PGM5: variants seen among roughly 807,000 people sequenced by gnomAD.
The protein encoded by PGM5 is phosphoglucomutase-like protein 5.
PGM5 carries 23 observed loss-of-function variants against 59.2 expected under a neutral mutation model. The observed-to-expected ratio is 0.39, with a 90% CI of 0.28 to 0.55. PGM5 has a LOEUF of 0.55. Ranked by LOEUF, PGM5 falls within the 20% of genes least tolerant of loss-of-function variation. The pLI, the probability that PGM5 is intolerant of heterozygous loss-of-function variation, is 0.66. For missense variants in PGM5, 574 were observed against 748.3 expected (o/e 0.77, Z 2.72); for synonymous variants, 214 against 286.0 (o/e 0.75, Z 2.54).
At chr9:68,431,590 G>T (rs1177220695) in intron 6 of PGM5, among the ~76,000 whole-genome samples, 1 of 152,092 alleles carries the variant, frequency 6.6e-6, no homozygotes, top group Non-Finnish European at 1.5e-5. Context: ...AGTTCTGAAG[G>T]CTGTGGCAAT....
intron 6 of PGM5, among the ~76,000 whole-genome samples, chr9:68,443,875 G>A (rs1018156953): frequency 6.6e-5 from 10 of 152,202 alleles, no homozygotes; most frequent in Non-Finnish European, 1.3e-4. Flanking sequence ...GAAATTGCAT[G>A]CAGATGTAGT....
chr9:68,481,175 GACT>G (rs2132091054), intron 8 of PGM5, among the ~76,000 whole-genome samples: 1 of 152,294 alleles, frequency 6.6e-6, no homozygotes, highest in East Asian at 1.9e-4. Flanking sequence ...CTGTTAAGAA[GACT>G]TTTACTTAGA....
In PGM5 at chr9:68,421,159, T is replaced by A. The variant is rs2132047655; in HGVS notation, c.1043+28686T>A. 1.3e-5 allele frequency among the ~76,000 whole-genome samples: 2 copies of A among 152,340 alleles called. 1 individual carries two copies. Among genetic ancestry groups the A allele is most frequent in the East Asian group, 3.9e-4 (2 of 5,176 alleles). On this transcript the variant is annotated intron_variant, in intron 6 of 10. Transcript: ENST00000396396. ...GAGACGAGGTGTGTACTGATCATTT[T>A]CACATTTGCACTCTGCCCCGTTCAC...
At chr9:68,492,831 C>T (rs1432665840) in intron 9 of PGM5, among the ~76,000 whole-genome samples, 1 of 152,166 alleles carries the variant, frequency 6.6e-6, no homozygotes, top group Non-Finnish European at 1.5e-5. Context: ...TACGTCTGTT[C>T]AATCCAAATC....
intron 10 of PGM5, among the ~76,000 whole-genome samples, chr9:68,526,899 A>T (rs1564029869): frequency 6.6e-6 from 1 of 152,236 alleles, no homozygotes; most frequent in Non-Finnish European, 1.5e-5. Flanking sequence ...TAAATTGCAT[A>T]GTCTCAATAA....
At chr9:68,458,013 C>T (rs76055568) in intron 6 of PGM5, among the ~76,000 whole-genome samples, 5,428 of 152,222 alleles carry the variant, frequency 0.036, 142 homozygotes, top group South Asian at 0.088. Flanking sequence ...CCTAGACCCT[C>T]GGCAATGTAT....
chr9:68,462,519 A>G (rs1371053772), intron 6 of PGM5, among the ~76,000 whole-genome samples: 1 of 152,134 alleles, frequency 6.6e-6, no homozygotes, highest in East Asian at 1.9e-4. Context: ...CATAGTTATA[A>G]AAGTATCCGG....
chr9:68,446,208 C>T (rs1823608753), intron 6 of PGM5, among the ~76,000 whole-genome samples: 1 of 152,228 alleles, frequency 6.6e-6, no homozygotes, highest in South Asian at 2.1e-4. Context: ...TACTCAGTTA[C>T]ATCCAAGGAA....
At chr9:68,410,181 T>G (rs1398112090) in intron 6 of PGM5, among the ~76,000 whole-genome samples, 2 of 152,210 alleles carry the variant, frequency 1.3e-5, no homozygotes, top group African/African-American at 4.8e-5. Flanking sequence ...ACACTATCTT[T>G]TAAGGAGATT....
chr9:68,374,153 A>G (rs1179846409), intron 1 of PGM5, among the ~76,000 whole-genome samples: 1 of 152,262 alleles, frequency 6.6e-6, no homozygotes, highest in African/African-American at 2.4e-5. Context: ...TCACCACTAT[A>G]CAATCTTCAT....
intron 9 of PGM5, among the ~76,000 whole-genome samples, chr9:68,488,461 C>A (rs1824334001): frequency 6.6e-6 from 1 of 152,248 alleles, no homozygotes; most frequent in South Asian, 2.1e-4. Context: ...CTACTGCCAA[C>A]CCTGCTGCTG....
chr9:68,376,970 A>G (rs1461033539), intron 1 of PGM5, among the ~76,000 whole-genome samples: 1 of 144,850 alleles, frequency 6.9e-6, no homozygotes, highest in Non-Finnish European at 1.5e-5. Context: ...TCTGTAGCCC[A>G]GGCTGGAGTG....
chr9:68,439,404 TATATATAAATATATATAATATA>T (rs1163895534), intron 6 of PGM5, among the ~76,000 whole-genome samples: 44 of 146,690 alleles, frequency 3.0e-4, no homozygotes, highest in Middle Eastern at 3.6e-3. Flanking sequence ...AGTCTGCTTA[TATATATAAATATATATAATATA>T]ATATATAAAT....
At chr9:68,499,412 T>C (rs782578825) in intron 10 of PGM5, 51 bp downstream of exon 10, 3 of 1,586,790 alleles carry the variant, frequency 1.9e-6, no homozygotes, top group Non-Finnish European at 2.6e-6. Context: ...TCCTGGCAAA[T>C]TTAGAGAGCT....
At chr9:68,470,423 T>G (rs1824001501) in intron 7 of PGM5, among the ~76,000 whole-genome samples, 2 of 152,252 alleles carry the variant, frequency 1.3e-5, no homozygotes, top group African/African-American at 4.8e-5. Context: ...GGGCCATGCC[T>G]CTTTCTTCAT....
At chr9:68,508,388 A>C (rs966431615) in intron 10 of PGM5, among the ~76,000 whole-genome samples, 1 of 152,216 alleles carries the variant, frequency 6.6e-6, no homozygotes, top group Non-Finnish European at 1.5e-5. Flanking sequence ...CTACTTTCCT[A>C]TATGTTGTTT....
At position 68,529,983 on chromosome 9, in the gene PGM5, T is replaced by G; in HGVS notation, c.*327T>G. 4.7e-6 allele frequency: 1 copy of G among 212,736 alleles called. No individual in the cohort carries two copies. Among genetic ancestry groups the G allele is most frequent in the South Asian group, 7.5e-5 (1 of 13,300 alleles). 13.2% of individuals were successfully genotyped at this position (212,736 alleles called of 1,614,324 possible). A position where few individuals can be genotyped will look rare whatever the true frequency, so the allele number is the denominator to read the frequency against. On this transcript the variant is annotated 3_prime_UTR_variant, in exon 11 of 11. Transcript: ENST00000396396. ...AATCACAACATTTGTGCATCACTTG[T>G]GCCAAGTGAGAAAATGTTCTAAAAT...
chr9:68,408,856 T>C (rs537401446), intron 6 of PGM5, among the ~76,000 whole-genome samples: 162 of 152,246 alleles, frequency 1.1e-3, no homozygotes, highest in African/African-American at 3.4e-3. Context: ...GCTTTTTTTT[T>C]CTCAGGTTTG....
At chr9:68,522,312 G>C (rs986375257) in intron 10 of PGM5, among the ~76,000 whole-genome samples, 5 of 152,186 alleles carry the variant, frequency 3.3e-5, no homozygotes, top group African/African-American at 1.2e-4. Context: ...TCCGGATGGT[G>C]GGGCAGTGTG....
Sources: allele counts gnomAD v4.1 joint callset (sites outside exome capture counted in the v4.1 genomes callset), GRCh38; gene constraint gnomAD v4.1.1; transcripts MANE v1.5; gene names NCBI Gene and HGNC (gene_info 2026-07-23, HGNC 2026-07-21).